The following CACNA1E variants were observed in gnomAD, a reference collection of about 807,000 sequenced individuals.
The protein encoded by CACNA1E is voltage-dependent R-type calcium channel subunit alpha-1E.
A neutral mutation model predicts 259.2 loss-of-function variants in CACNA1E; 40 were observed. That is an observed-to-expected ratio of 0.15 (90% CI 0.12 to 0.20). CACNA1E has a LOEUF of 0.20. Ranked by LOEUF, CACNA1E falls within the 10% of genes least tolerant of loss-of-function variation. The probability of loss-of-function intolerance (pLI) is 1.00; values close to 1 mark genes in which losing one functional copy is unlikely to be tolerated. For missense variants in CACNA1E, 1,874 were observed against 3,040.1 expected (o/e 0.62, Z 9.02); for synonymous variants, 1,104 against 1,138.5 (o/e 0.97, Z 0.61).
At chr1:181,496,175 T>TGATTCTAATGCTGATTTTATAC (rs1338170778) in intron 1 of CACNA1E, among the ~76,000 whole-genome samples, 6 of 152,238 alleles carry the variant, frequency 3.9e-5, no homozygotes, top group Non-Finnish European at 8.8e-5. Context: ...TTCCTTTATA[T>TGATTCTAATGCTGATTTTATAC]GTTTCTAATG....
intron 2 of CACNA1E, among the ~76,000 whole-genome samples, chr1:181,437,132 T>C (rs1660146022): frequency 6.6e-6 from 1 of 152,234 alleles, no homozygotes; most frequent in African/African-American, 2.4e-5. Context: ...CAGAGGCTTC[T>C]CTGACATGTG....
chr1:181,569,671 T>C (rs1650209626), intron 3 of CACNA1E, among the ~76,000 whole-genome samples: 1 of 152,228 alleles, frequency 6.6e-6, no homozygotes, highest in African/African-American at 2.4e-5. Context: ...TTAGGTGTCA[T>C]GGGCCCAGTC....
At chr1:181,519,910 T>C (rs1666866581) in intron 3 of CACNA1E, among the ~76,000 whole-genome samples, 1 of 152,154 alleles carries the variant, frequency 6.6e-6, no homozygotes, top group South Asian at 2.1e-4. Flanking sequence ...ACATACATTC[T>C]CTCTGTCATA....
At chr1:181,660,954 G>T (rs146945226) in intron 7 of CACNA1E, among the ~76,000 whole-genome samples, 1 of 152,222 alleles carries the variant, frequency 6.6e-6, no homozygotes, top group South Asian at 2.1e-4. Flanking sequence ...CAAGGACAGA[G>T]AGCTGCTACC....
At chr1:181,761,215 T>G (rs574411852) in intron 32 of CACNA1E, among the ~76,000 whole-genome samples, 1 of 152,338 alleles carries the variant, frequency 6.6e-6, no homozygotes, top group Admixed American at 6.5e-5. Flanking sequence ...GTTGTATGTA[T>G]CCAATTAAGT....
chr1:181,757,900 G>A (rs763808078), intron 30 of CACNA1E, 47 bp from the exon 31 acceptor site: 1 of 1,596,498 alleles, frequency 6.3e-7, no homozygotes, highest in South Asian at 1.1e-5. Context: ...TGCCATGGTA[G>A]ATCTAGGGGA....
At chr1:181,685,178 C>CT (rs1650393099) in intron 7 of CACNA1E, among the ~76,000 whole-genome samples, 3 of 72,998 alleles carry the variant, frequency 4.1e-5, no homozygotes, top group Non-Finnish European at 8.5e-5. Context: ...ACAAAGGAAA[C>CT]ATTTTTTTTT....
At chr1:181,447,435 GT>G (rs1571895444) in intron 2 of CACNA1E, among the ~76,000 whole-genome samples, 1 of 151,994 alleles carries the variant, frequency 6.6e-6, no homozygotes, top group East Asian at 1.9e-4. Flanking sequence ...GGAGCCTGAG[GT>G]GGGAGGATGG....
intron 2 of CACNA1E, among the ~76,000 whole-genome samples, chr1:181,465,292 T>TATG (rs1662085361): frequency 1.3e-5 from 2 of 152,204 alleles, no homozygotes; most frequent in Non-Finnish European, 2.9e-5. Flanking sequence ...TTCACTAGAA[T>TATG]ATGTGTGTAT....
intron 2 of CACNA1E, among the ~76,000 whole-genome samples, chr1:181,466,411 G>T (rs991503328): frequency 1.3e-5 from 2 of 152,112 alleles, no homozygotes; most frequent in Non-Finnish European, 2.9e-5. Flanking sequence ...GCCTTGTGTG[G>T]GTGGCGTGTG....
intron 1 of CACNA1E, among the ~76,000 whole-genome samples, chr1:181,338,155 G>A (rs538497204): frequency 6.6e-6 from 1 of 152,192 alleles, no homozygotes; most frequent in Non-Finnish European, 1.5e-5. Context: ...GCGTGATCTT[G>A]GCTCACTGCA....
intron 3 of CACNA1E, among the ~76,000 whole-genome samples, chr1:181,548,637 G>T (rs1227626201): frequency 1.3e-5 from 2 of 152,148 alleles, no homozygotes; most frequent in African/African-American, 4.8e-5. Context: ...GTTAACAGTA[G>T]CTTACCCTCA....
intron 1 of CACNA1E, among the ~76,000 whole-genome samples, chr1:181,380,658 A>G (rs1655396393): frequency 6.6e-6 from 1 of 152,222 alleles, no homozygotes; most frequent in Non-Finnish European, 1.5e-5. Context: ...GCACCACTAC[A>G]TGTCTATTAG....
intron 16 of CACNA1E, among the ~76,000 whole-genome samples, chr1:181,723,621 C>T (rs920307283): frequency 5.3e-5 from 8 of 152,150 alleles, no homozygotes; most frequent in South Asian, 2.1e-4. Context: ...CCCTGCCTTA[C>T]GATGACGATT....
chr1:181,653,674 T>A (rs1342893753), intron 7 of CACNA1E, among the ~76,000 whole-genome samples: 3 of 152,240 alleles, frequency 2.0e-5, no homozygotes, highest in Non-Finnish European at 4.4e-5. Flanking sequence ...GCCTCTGTGA[T>A]CATATTGCCT....
intron 45 of CACNA1E, 95 bp downstream of exon 45, chr1:181,793,888 T>C: frequency 7.6e-7 from 1 of 1,309,396 alleles, no homozygotes; most frequent in South Asian, 1.5e-5. Context: ...AGCCGTTGAC[T>C]TGCCCGCACC....
intron 3 of CACNA1E, among the ~76,000 whole-genome samples, chr1:181,551,601 A>G (rs960469111): frequency 3.3e-5 from 5 of 152,142 alleles, no homozygotes; most frequent in Non-Finnish European, 7.3e-5. Flanking sequence ...CTCCACAGCA[A>G]CCTTGGTGGG....
chr1:181,674,624 C>T (rs2102221966), intron 7 of CACNA1E, among the ~76,000 whole-genome samples: 1 of 152,246 alleles, frequency 6.6e-6, no homozygotes, highest in Middle Eastern at 3.4e-3. Context: ...TGCGAATTCC[C>T]ATGTTTTCTG....
intron 45 of CACNA1E, among the ~76,000 whole-genome samples, chr1:181,794,577 C>T (rs1661621521): frequency 6.6e-6 from 1 of 152,232 alleles, no homozygotes; most frequent in South Asian, 2.1e-4. Flanking sequence ...TCTATGGGAG[C>T]TTGCACAGTT....
Sources: allele counts gnomAD v4.1 joint callset (sites outside exome capture counted in the v4.1 genomes callset), GRCh38; gene constraint gnomAD v4.1.1; transcripts MANE v1.5; gene names NCBI Gene and HGNC (gene_info 2026-07-23, HGNC 2026-07-21).